Variants in CSMD3 observed in about 807,000 individuals in gnomAD.
CSMD3 encodes the protein CUB and Sushi multiple domains 3.
A neutral mutation model predicts 435.2 loss-of-function variants in CSMD3; 177 were observed. That is an observed-to-expected ratio of 0.41 (90% confidence interval 0.36 to 0.46). The LOEUF (loss-of-function observed/expected upper bound fraction) is 0.46, where lower values mean the gene tolerates loss of function less well. Ranked by LOEUF, CSMD3 falls within the 20% of genes least tolerant of loss-of-function variation. The probability of loss-of-function intolerance (pLI) is 0.34; values close to 1 mark genes in which losing one functional copy is unlikely to be tolerated. For missense variants in CSMD3, 4,265 were observed against 4,504.6 expected (o/e 0.95, Z 1.52); for synonymous variants, 1,656 against 1,520.5 (o/e 1.09, Z -2.07).
chr8:113,130,150 G>A (rs2091248523), intron 4 of CSMD3, among the ~76,000 whole-genome samples: 1 of 151,998 alleles, frequency 6.6e-6, no homozygotes, highest in African/African-American at 2.4e-5. Flanking sequence ...TCTTAAAAAA[G>A]AAGTGAATTT....
At chr8:112,971,224 T>C (rs72682184) in intron 7 of CSMD3, among the ~76,000 whole-genome samples, 3,359 of 152,310 alleles carry the variant, frequency 0.022, 59 homozygotes, top group South Asian at 0.031. Context: ...TTCATTCTCA[T>C]GTACCTGCTA....
chr8:112,716,888 G>A (rs566589708), intron 13 of CSMD3, among the ~76,000 whole-genome samples: 47 of 152,148 alleles, frequency 3.1e-4, no homozygotes, highest in Non-Finnish European at 5.9e-4. Flanking sequence ...GAAAACTGAA[G>A]CTGGACCCCT....
chr8:112,323,664 T>A (rs879550114), intron 45 of CSMD3, among the ~76,000 whole-genome samples: 1 of 152,174 alleles, frequency 6.6e-6, no homozygotes, highest in Admixed American at 6.5e-5. Context: ...TGTGGTACTT[T>A]GTTTCAGCAG....
At chr8:113,047,566 T>A (rs2087889891) in intron 5 of CSMD3, among the ~76,000 whole-genome samples, 1 of 152,212 alleles carries the variant, frequency 6.6e-6, no homozygotes, top group Non-Finnish European at 1.5e-5. Context: ...TGTTGAACAA[T>A]TAAATCCCAG....
At chr8:112,995,712 A>T (rs1163353823) in intron 6 of CSMD3, among the ~76,000 whole-genome samples, 1 of 151,506 alleles carries the variant, frequency 6.6e-6, no homozygotes, top group Non-Finnish European at 1.5e-5. Context: ...CCTTGTCTCT[A>T]ATTTTCACAT....
At position 113,355,720 on chromosome 8, in the gene CSMD3, T is replaced by TATATA. The variant is rs1563737793; in HGVS notation, c.179-40928_179-40927insTATAT. Among the ~76,000 whole-genome samples, 679 of 72,330 alleles carry TATATA rather than the reference T, an allele frequency of 9.4e-3. 16 individuals carry two copies. The highest frequency in any genetic ancestry group is 0.023 in the African/African-American group (422 of 18,064). The allele number at this position is 72,330 out of a possible 152,430, so 47.5% of individuals were successfully genotyped here. Reference sequence around the variant, plus strand: ...AATAAATAACTCTTAAAAGTTTTATTTTTATATATATATATATATATATAT... The same window carrying TATATA: ...AATAAATAACTCTTAAAAGTTTTATTATATATTTATATATATATATATATATATAT... On this transcript the variant is annotated intron_variant, in intron 1 of 70. Transcript: ENST00000297405.
chr8:112,435,753 G>A (rs932210730), intron 32 of CSMD3, among the ~76,000 whole-genome samples: 1 of 152,032 alleles, frequency 6.6e-6, no homozygotes, highest in Admixed American at 6.6e-5. Context: ...AATGATTTAC[G>A]TCTTAGATTT....
At chr8:112,582,447 A>G (rs1006761009) in intron 23 of CSMD3, among the ~76,000 whole-genome samples, 3 of 151,946 alleles carry the variant, frequency 2.0e-5, no homozygotes, top group Admixed American at 6.6e-5. Flanking sequence ...CATGCTTGGT[A>G]TATTTGAGAT....
intron 13 of CSMD3, among the ~76,000 whole-genome samples, chr8:112,741,712 G>GC (rs983053575): frequency 6.5e-4 from 98 of 151,020 alleles, no homozygotes; most frequent in African/African-American, 2.0e-3. Context: ...TAATTTAAAA[G>GC]CCCCCCCCAT....
At chr8:112,873,551 A>T (rs2081194565) in intron 10 of CSMD3, among the ~76,000 whole-genome samples, 1 of 152,036 alleles carries the variant, frequency 6.6e-6, no homozygotes, top group South Asian at 2.1e-4. Context: ...CCTTTATGTC[A>T]GCAACTACAT....
chr8:112,973,135 C>A (rs1045585793), intron 7 of CSMD3, among the ~76,000 whole-genome samples: 10 of 151,882 alleles, frequency 6.6e-5, no homozygotes, highest in Admixed American at 1.3e-4. Flanking sequence ...TGGGTCATCA[C>A]CAAGTCTCTG....
At chr8:113,022,337 G>GAAAT (rs1340587222) in intron 5 of CSMD3, among the ~76,000 whole-genome samples, 1 of 151,822 alleles carries the variant, frequency 6.6e-6, no homozygotes, top group Non-Finnish European at 1.5e-5. Flanking sequence ...CTTTTAATAA[G>GAAAT]AAATAGATTG....
chr8:112,245,782 C>A (rs148298845), intron 64 of CSMD3, among the ~76,000 whole-genome samples: 2 of 152,148 alleles, frequency 1.3e-5, no homozygotes, highest in African/African-American at 4.8e-5. Flanking sequence ...AAGTGATCTG[C>A]CCACCTCGGC....
intron 23 of CSMD3, among the ~76,000 whole-genome samples, chr8:112,577,702 C>T (rs10113827): frequency 0.4 from 60,880 of 151,764 alleles, 13,208 homozygotes; most frequent in East Asian, 0.58. Context: ...GTTTTAATTG[C>T]CAAAACTTTT....
At chr8:113,179,355 T>C (rs1280306243) in intron 3 of CSMD3, among the ~76,000 whole-genome samples, 2 of 151,820 alleles carry the variant, frequency 1.3e-5, no homozygotes, top group African/African-American at 2.4e-5. Flanking sequence ...TATGATCTTC[T>C]AGAGGTTGTG....
chr8:112,837,632 TA>T (rs2080065748), intron 11 of CSMD3, among the ~76,000 whole-genome samples: 1 of 151,798 alleles, frequency 6.6e-6, no homozygotes, highest in East Asian at 1.9e-4. Flanking sequence ...CTATGTCAAT[TA>T]TCTTAAAATA....
At chr8:113,267,895 TCTAA>T (rs745513362) in intron 3 of CSMD3, among the ~76,000 whole-genome samples, 4 of 151,822 alleles carry the variant, frequency 2.6e-5, no homozygotes, top group Admixed American at 6.6e-5. Flanking sequence ...AATTATATTG[TCTAA>T]CTGATACATG....
chr8:112,550,445 T>C (rs1163950114), intron 27 of CSMD3, among the ~76,000 whole-genome samples: 1 of 151,974 alleles, frequency 6.6e-6, no homozygotes, highest in Non-Finnish European at 1.5e-5. Flanking sequence ...TAAGAATAAA[T>C]GATTTTACAG....
intron 5 of CSMD3, among the ~76,000 whole-genome samples, chr8:113,082,690 C>T (rs1182620827): frequency 1.3e-5 from 2 of 152,010 alleles, no homozygotes; most frequent in Non-Finnish European, 2.9e-5. Flanking sequence ...CAAGAAAACA[C>T]AGACAATTTT....
Sources: gnomAD v4.1 joint callset for allele counts (sites outside exome capture counted in the v4.1 genomes callset) on GRCh38, gnomAD v4.1.1 for gene constraint, MANE v1.5 for transcripts, NCBI Gene and HGNC (gene_info 2026-07-23, HGNC 2026-07-21) for gene names.